The following RBFOX3 variants were observed in gnomAD, a reference collection of about 807,000 sequenced individuals.
RBFOX3 encodes RNA binding fox-1 homolog 3, also known as RNA binding protein fox-1 homolog 3.
A neutral mutation model predicts 48.7 loss-of-function variants in RBFOX3; 17 were observed. That is an observed-to-expected ratio of 0.35 (90% CI 0.24 to 0.52). The LOEUF is 0.52. Among genes scored for constraint, RBFOX3 ranks in the 20% least tolerant of loss-of-function variants. RBFOX3 has a pLI of 0.94. For missense variants in RBFOX3, 382 were observed against 497.5 expected (o/e 0.77, Z 2.21); for synonymous variants, 212 against 209.5 (o/e 1.01, Z -0.10).
chr17:79,506,583 C>A (rs1416103524), intron 1 of RBFOX3, among the ~76,000 whole-genome samples: 1 of 152,202 alleles, frequency 6.6e-6, no homozygotes, highest in African/African-American at 2.4e-5. Flanking sequence ...AGGCCATGAC[C>A]GGGGAGCTGG....
chr17:79,586,397 A>C (rs2093251454), intron 1 of RBFOX3, among the ~76,000 whole-genome samples: 4 of 152,252 alleles, frequency 2.6e-5, no homozygotes, highest in Admixed American at 2.6e-4. Context: ...AGCTGGGACC[A>C]GCCAAGCATG....
intron 3 of RBFOX3, among the ~76,000 whole-genome samples, chr17:79,282,226 A>G (rs1424192246): frequency 6.6e-6 from 1 of 152,174 alleles, no homozygotes; most frequent in Non-Finnish European, 1.5e-5. Flanking sequence ...CCACAAACGA[A>G]TCCATGAGAA....
intron 4 of RBFOX3, among the ~76,000 whole-genome samples, chr17:79,185,462 C>T (rs186017249): frequency 6.6e-6 from 1 of 152,288 alleles, no homozygotes; most frequent in East Asian, 1.9e-4. Context: ...TCCTCGTGAG[C>T]GTGGTGCCCT....
At chr17:79,485,300 C>A (rs1281590392) in intron 1 of RBFOX3, among the ~76,000 whole-genome samples, 3 of 152,198 alleles carry the variant, frequency 2.0e-5, no homozygotes. Context: ...CCCAAGTCAT[C>A]CCCTGGGGCC....
intron 1 of RBFOX3, chr17:79,508,728 C>A (rs1353064015): frequency 6.6e-6 from 1 of 152,336 alleles, no homozygotes; most frequent in Non-Finnish European, 1.5e-5. Flanking sequence ...CCGTGCACAC[C>A]CCACACTCCG....
At chr17:79,105,627 G>C (rs577678861) in intron 6 of RBFOX3, among the ~76,000 whole-genome samples, 3 of 152,212 alleles carry the variant, frequency 2.0e-5, no homozygotes, top group Admixed American at 6.5e-5. Context: ...ATCACGTCAG[G>C]GGGTAGGTGA....
intron 4 of RBFOX3, among the ~76,000 whole-genome samples, chr17:79,194,280 G>A (rs1599905485): frequency 6.6e-6 from 1 of 152,252 alleles, no homozygotes; most frequent in South Asian, 2.1e-4. Flanking sequence ...CAGATTCCGA[G>A]CAAGGGGGTT....
At chr17:79,582,595 G>T (rs887206212) in intron 1 of RBFOX3, among the ~76,000 whole-genome samples, 2 of 151,924 alleles carry the variant, frequency 1.3e-5, no homozygotes, top group Non-Finnish European at 2.9e-5. Context: ...TTGAGCCTAC[G>T]CATTTGAGAC....
At chr17:79,436,593 G>A (rs797028920) in intron 2 of RBFOX3, among the ~76,000 whole-genome samples, 5 of 152,330 alleles carry the variant, frequency 3.3e-5, no homozygotes, top group African/African-American at 1.2e-4. Context: ...GTGGGGATGG[G>A]AGGCAGGCAG....
chr17:79,401,989 C>A (rs1253226682), intron 2 of RBFOX3, among the ~76,000 whole-genome samples: 3 of 152,210 alleles, frequency 2.0e-5, no homozygotes, highest in African/African-American at 4.8e-5. Context: ...GTGAGACCTT[C>A]CACGTTACCT....
intron 1 of RBFOX3, among the ~76,000 whole-genome samples, chr17:79,503,656 G>A (rs2082669703): frequency 6.6e-6 from 1 of 152,198 alleles, no homozygotes; most frequent in Non-Finnish European, 1.5e-5. Flanking sequence ...CGGTGCAGGT[G>A]AGGGATCCCT....
At chr17:79,268,537 C>A (rs2067127046) in intron 3 of RBFOX3, among the ~76,000 whole-genome samples, 1 of 152,170 alleles carries the variant, frequency 6.6e-6, no homozygotes, top group Non-Finnish European at 1.5e-5. Context: ...CCACAGTTCC[C>A]AGGCCAGTCC....
At chr17:79,652,065 G>A in the RBFOX3 span, among the ~76,000 whole-genome samples, 1 of 152,024 alleles carries the variant, frequency 6.6e-6, no homozygotes, top group Non-Finnish European at 1.5e-5. Flanking sequence ...CCCCAAGCCA[G>A]AACCACCCAG....
chr17:79,175,731 C>T (rs1026209068), intron 4 of RBFOX3, among the ~76,000 whole-genome samples: 10 of 152,196 alleles, frequency 6.6e-5, no homozygotes, highest in East Asian at 5.8e-4. Context: ...CTTGGGGTGG[C>T]GCCTCTGAGG....
intron 1 of RBFOX3, among the ~76,000 whole-genome samples, chr17:79,574,053 C>T (rs1473450355): frequency 1.3e-5 from 2 of 152,182 alleles, no homozygotes; most frequent in Admixed American, 1.3e-4. Flanking sequence ...CTCAAGGGAG[C>T]AGGTCAGCAA....
At chr17:79,107,010 C>A (rs1448987841) in intron 5 of RBFOX3, among the ~76,000 whole-genome samples, 1 of 152,210 alleles carries the variant, frequency 6.6e-6, no homozygotes, top group Non-Finnish European at 1.5e-5. Context: ...TAGGCCTTCG[C>A]CCAAACTGTG....
intron 2 of RBFOX3, among the ~76,000 whole-genome samples, chr17:79,445,515 G>A (rs1384662069): frequency 6.6e-6 from 1 of 152,146 alleles, no homozygotes; most frequent in Admixed American, 6.5e-5. Context: ...CACAAGCAGA[G>A]CAATTTCCAG....
chr17:79,130,885 A>T (rs2038676283), intron 4 of RBFOX3, among the ~76,000 whole-genome samples: 1 of 152,200 alleles, frequency 6.6e-6, no homozygotes, highest in Non-Finnish European at 1.5e-5. Flanking sequence ...CAAATTCCTC[A>T]TCAGTGAAGA....
intron 4 of RBFOX3, chr17:79,233,571 C>G (rs544749726): frequency 2.7e-4 from 41 of 151,940 alleles, no homozygotes; most frequent in African/African-American, 9.4e-4. Flanking sequence ...TTTACGGGAC[C>G]AGGCAAATGA....
Sources: gnomAD v4.1 joint callset for allele counts (sites outside exome capture counted in the v4.1 genomes callset) on GRCh38, gnomAD v4.1.1 for gene constraint, MANE v1.5 for transcripts, NCBI Gene and HGNC (gene_info 2026-07-23, HGNC 2026-07-21) for gene names.